Variants in PDZD8 observed in about 807,000 individuals in gnomAD.
PDZD8 encodes PDZ domain-containing protein 8.
Under a neutral mutation model 85.8 loss-of-function variants are expected in PDZD8, and 14 were observed. That is an observed-to-expected ratio of 0.16 (90% CI 0.11 to 0.26). PDZD8 has a LOEUF of 0.26. PDZD8 is among the 10% of genes least tolerant of loss of function. PDZD8 has a pLI of 1.00. For synonymous variants in PDZD8, 592 were observed against 568.6 expected (o/e 1.04, Z -0.59); for missense variants, 1,197 against 1,424.3 (o/e 0.84, Z 2.57).
intron 2 of PDZD8, among the ~76,000 whole-genome samples, chr10:117,322,171 A>AT (rs1844236834): frequency 6.6e-6 from 1 of 152,194 alleles, no homozygotes; most frequent in Non-Finnish European, 1.5e-5. Flanking sequence ...CTAGATCCTA[A>AT]TAAGAACAAA....
intron 1 of PDZD8, among the ~76,000 whole-genome samples, chr10:117,365,010 C>A (rs563164223): frequency 7.2e-5 from 11 of 151,936 alleles, no homozygotes; most frequent in South Asian, 2.1e-4. Context: ...TATGCTTGAG[C>A]ATACAGTTAG....
chr10:117,285,487 A>G lies in PDZD8; in HGVS notation c.1262-16T>C, dbSNP rs1844646148. 1 of 1,547,572 alleles carries G rather than the reference A, an allele frequency of 6.5e-7. No individual in the cohort carries two copies. The highest frequency in any genetic ancestry group is 8.7e-7 in the Non-Finnish European group (1 of 1,146,028). ...ATTTTCACACCTGGTTTAAGATTTT[A>G]AAAGGGAAAACATGTAAATTATTGC... On this transcript the variant is annotated splice_polypyrimidine_tract_variant and intron_variant, in intron 4 of 4. Coordinates refer to ENST00000334464, the MANE Select transcript of PDZD8 (RefSeq NM_173791.5).
chr10:117,349,286 G>C (rs1461798241), intron 1 of PDZD8, among the ~76,000 whole-genome samples: 1 of 152,236 alleles, frequency 6.6e-6, no homozygotes, highest in East Asian at 1.9e-4. Context: ...CAGAAGGAAT[G>C]AGAAGGGAAA....
rs186189899 is a variant in PDZD8, at chr10:117,304,667, C to T, written c.1098+14205G>A. ...GGGGAGGTAATTGAATCATGGGGGC[C>T]GGTCTTTCCCATGCTATTCTCATGA... On this transcript the variant is annotated intron_variant, in intron 3 of 4. Coordinates refer to ENST00000334464, the MANE Select transcript of PDZD8 (RefSeq NM_173791.5). Among the ~76,000 whole-genome samples the T allele has an allele frequency of 1.5e-4, 23 of 152,144 alleles. No individual in the cohort carries two copies. The East Asian group carries it at 3.3e-3, about 22-fold the overall frequency.
intron 3 of PDZD8, among the ~76,000 whole-genome samples, chr10:117,304,933 A>T (rs1415231489): frequency 1.3e-5 from 2 of 152,292 alleles, no homozygotes; most frequent in Non-Finnish European, 1.5e-5. Flanking sequence ...AACTGATTCT[A>T]GGACCCCCAT....
At chr10:117,371,889 G>A (rs1422149578) in intron 1 of PDZD8, among the ~76,000 whole-genome samples, 2 of 152,194 alleles carry the variant, frequency 1.3e-5, no homozygotes, top group Admixed American at 1.3e-4. Flanking sequence ...GCTGCCGTGA[G>A]CCATGATCCT....
chr10:117,370,392 C>T (rs17628479), intron 1 of PDZD8, among the ~76,000 whole-genome samples: 18 of 151,752 alleles, frequency 1.2e-4, no homozygotes, highest in East Asian at 1.2e-3. Context: ...TTTAGCAACA[C>T]GAAAAAGGCA....
At chr10:117,286,554 T>C (rs1403981810) in intron 4 of PDZD8, among the ~76,000 whole-genome samples, 1 of 152,216 alleles carries the variant, frequency 6.6e-6, no homozygotes, top group Non-Finnish European at 1.5e-5. Flanking sequence ...TTAGACTCGG[T>C]CATCACTTGG....
Position 117,285,449 on chromosome 10 carries a change from C to G in PDZD8, c.1284G>C (p.Leu428=). The change falls in exon 5 of 5, where the codon CTG becomes CTC. Residue 428 remains leucine, a synonymous_variant. Transcript: ENST00000334464. ...AIGGVKITST[L]QVLKLIKQAG... is the part of the protein sequence containing the mutation. ...CCTGCTTGATAAGCTTCAACACTTG[C>G]AGTGTTGATGTGATTTTCACACCTG... The G allele has an allele frequency of 6.2e-7, 1 of 1,603,964 alleles. No individual in the cohort carries two copies. Among genetic ancestry groups the G allele is most frequent in the Non-Finnish European group, 8.5e-7 (1 of 1,172,798 alleles).
At chr10:117,298,767 T>A (rs1843797664) in intron 3 of PDZD8, among the ~76,000 whole-genome samples, 1 of 152,154 alleles carries the variant, frequency 6.6e-6, no homozygotes, top group Non-Finnish European at 1.5e-5. Flanking sequence ...CAGCAAATAA[T>A]GTTTACGATA....
intron 4 of PDZD8, among the ~76,000 whole-genome samples, chr10:117,285,974 A>C (rs932807735): frequency 6.6e-6 from 1 of 152,230 alleles, no homozygotes; most frequent in African/African-American, 2.4e-5. Flanking sequence ...ATAATGTAGC[A>C]AAATACTATA....
intron 3 of PDZD8, 40 bp from the exon 4 acceptor site, chr10:117,290,388 A>T: frequency 6.7e-7 from 1 of 1,488,656 alleles, no homozygotes; most frequent in Non-Finnish European, 9.2e-7. Flanking sequence ...GATTCAATGG[A>T]TTCCTAGTAA....
chr10:117,325,695 G>A (rs867012334), intron 2 of PDZD8, among the ~76,000 whole-genome samples: 11 of 152,026 alleles, frequency 7.2e-5, no homozygotes, highest in Admixed American at 5.2e-4. Context: ...GAGCCACCAC[G>A]CCCAGCCAAA....
rs753171090 is a variant in PDZD8 at position 117,374,513 on chromosome 10, T to G, written c.715A>C (p.Thr239Pro). The G allele has an allele frequency of 6.2e-7, 1 of 1,612,604 alleles. No individual in the cohort carries two copies. Among genetic ancestry groups the G allele is most frequent in the Non-Finnish European group, 8.5e-7 (1 of 1,179,372 alleles). Residue 239 changes from threonine (T) to proline (P), a missense_variant, in exon 1 of 5, where the codon ACC (threonine) becomes CCC (proline). Physicochemically the swap from Thr to Pro is conservative, Grantham distance 38. Coordinates refer to ENST00000334464, the MANE Select transcript of PDZD8 (RefSeq NM_173791.5). The surrounding 1 kb of genome is among the most constrained non-coding windows in gnomAD (Gnocchi z 7.8). ...LRLVFTRVPF[T>P]HWFFSFVEDP... Reference sequence around the variant, plus strand: ...TCCACGAAGGAGAAGAACCAGTGGGTGAAGGGCACGCGCGTAAAGACCAAG... The same window carrying G: ...TCCACGAAGGAGAAGAACCAGTGGGGGAAGGGCACGCGCGTAAAGACCAAG...
chr10:117,348,337 C>T (rs1051994502), intron 1 of PDZD8, among the ~76,000 whole-genome samples: 3 of 152,158 alleles, frequency 2.0e-5, no homozygotes, highest in East Asian at 1.9e-4. Context: ...GTATAAAGCA[C>T]TTTATTTGCT....
At chr10:117,335,657 A>G in intron 2 of PDZD8, among the ~76,000 whole-genome samples, 1 of 152,182 alleles carries the variant, frequency 6.6e-6, no homozygotes, top group East Asian at 1.9e-4. Flanking sequence ...TCTGAAACAA[A>G]CCCAACTATA....
At chr10:117,290,692 TAATATATATTTAACACAA>T (rs1844743267) in intron 3 of PDZD8, among the ~76,000 whole-genome samples, 1 of 152,096 alleles carries the variant, frequency 6.6e-6, no homozygotes, top group Non-Finnish European at 1.5e-5. Context: ...ATATATTTTC[TAATATATATTTAACACAA>T]AATTGAGATT....
chr10:117,277,363 C>G lies in PDZD8; in HGVS notation c.*5905G>C, dbSNP rs940550601. On this transcript the variant is annotated 3_prime_UTR_variant, in exon 5 of 5. Transcript: ENST00000334464. ...GAACTGTCTTAGTCATACCATCCAT[C>G]CCTGGTGAAAGAGTAAAACCAAAGG... The G allele has an allele frequency of 1.7e-5, 11 of 663,646 alleles. No individual in the cohort carries two copies. Among genetic ancestry groups the G allele is most frequent in the Non-Finnish European group, 2.7e-5 (11 of 404,768 alleles). 41.1% of individuals were successfully genotyped at this position (663,646 alleles called of 1,614,324 possible).
chr10:117,295,987 T>C (rs534910832), intron 3 of PDZD8, among the ~76,000 whole-genome samples: 17 of 149,740 alleles, frequency 1.1e-4, no homozygotes, highest in African/African-American at 3.9e-4. Context: ...GTCAGTGTAA[T>C]GAAAAAAAAA....
Sources: gnomAD v4.1 joint callset for allele counts (sites outside exome capture counted in the v4.1 genomes callset) on GRCh38, gnomAD v4.1.1 for gene constraint, Gnocchi (gnomAD v3.1) non-coding constraint, MANE v1.5 for transcripts, NCBI Gene and HGNC (gene_info 2026-07-23, HGNC 2026-07-21) for gene names.